Variants in DGKG observed in about 807,000 individuals in gnomAD.
DGKG encodes diacylglycerol kinase gamma, also known as DAG kinase gamma.
Under a neutral mutation model 105.3 loss-of-function variants are expected in DGKG, and 78 were observed. The ratio of observed to expected loss-of-function variants is 0.74; its 90% confidence interval spans 0.62 to 0.89. DGKG has a LOEUF of 0.89. Among genes scored for constraint, DGKG ranks in the 40% least tolerant of loss-of-function variants. The pLI is 0.00. For missense variants in DGKG, 958 were observed against 1,020.1 expected (o/e 0.94, Z 0.83); for synonymous variants, 346 against 367.1 (o/e 0.94, Z 0.66).
intron 20 of DGKG, among the ~76,000 whole-genome samples, chr3:186,238,125 T>A (rs942488673): frequency 6.6e-6 from 1 of 151,722 alleles, no homozygotes; most frequent in Non-Finnish European, 1.5e-5. Context: ...AAACCCCATC[T>A]CTACTAAAAA....
In DGKG at chr3:186,149,410, G is replaced by GTAGAC. The variant is rs547027809; in HGVS notation, c.*675_*679dup. ...CTTGGAGCCGCCTCTAAGCAAACAT[G>GTAGAC]TAGACACCAGGAGAAGGTTCCTGGA... On this transcript the variant is annotated 3_prime_UTR_variant, in exon 25 of 25. Transcript: ENST00000265022. The GTAGAC allele has an allele frequency of 1.2e-4, 122 of 985,450 alleles. 1 individual carries two copies. The African/African-American group carries it at 1.8e-3, about 15-fold the overall frequency. The allele number at this position is 985,450 out of a possible 1,614,324, so 61.0% of individuals were successfully genotyped here.
At chr3:186,258,027 C>A in intron 16 of DGKG, 88 bp from the exon 17 acceptor site, 2 of 977,432 alleles carry the variant, frequency 2.0e-6, no homozygotes, top group South Asian at 2.6e-5. Context: ...GCCCTGTTCC[C>A]CAGGAGTATG....
At chr3:186,318,298 C>T (rs1724911677) in intron 2 of DGKG, among the ~76,000 whole-genome samples, 1 of 152,050 alleles carries the variant, frequency 6.6e-6, no homozygotes, top group Non-Finnish European at 1.5e-5. Context: ...CTCTCCTTAC[C>T]CACCCCTGCA....
chr3:186,313,638 G>T (rs1444701472), intron 2 of DGKG: 1 of 363,752 alleles, frequency 2.7e-6, no homozygotes, highest in Non-Finnish European at 3.8e-6. Flanking sequence ...CAGTACCCCA[G>T]ACCTACTGAT....
chr3:186,345,488 T>A (rs1675740876), intron 1 of DGKG, among the ~76,000 whole-genome samples: 1 of 152,224 alleles, frequency 6.6e-6, no homozygotes, highest in African/African-American at 2.4e-5. Flanking sequence ...GTTTGCTGCA[T>A]AGAGTTTGTT....
At position 186,158,334 on chromosome 3, in the gene DGKG, T is replaced by C. The variant is rs1716132691; in HGVS notation, c.2277+3269A>G. 10 of 943,648 alleles carry C rather than the reference T, an allele frequency of 1.1e-5. No homozygotes were observed. The South Asian group carries it at 3.9e-4, about 37-fold the overall frequency. The allele number at this position is 943,648 out of a possible 1,614,324, so 58.5% of individuals were successfully genotyped here. A position where few individuals can be genotyped will look rare whatever the true frequency, so the allele number is the denominator to read the frequency against. Reference sequence around the variant, plus strand: ...CTTCCAAATATAGTTTAGGCTATATTCTATAATTTTTAAACTGGAGCCTTC... The same window carrying C: ...CTTCCAAATATAGTTTAGGCTATATCCTATAATTTTTAAACTGGAGCCTTC... On this transcript the variant is annotated intron_variant, in intron 24 of 24. Coordinates refer to ENST00000265022, the MANE Select transcript of DGKG (RefSeq NM_001346.3).
At chr3:186,269,750 G>A (rs1722229277) in intron 11 of DGKG, among the ~76,000 whole-genome samples, 1 of 152,204 alleles carries the variant, frequency 6.6e-6, no homozygotes, top group Admixed American at 6.5e-5. Context: ...GTCCATTGGT[G>A]CTTTTCACAC....
At chr3:186,234,712 G>A (rs1720330383) in intron 20 of DGKG, among the ~76,000 whole-genome samples, 1 of 152,206 alleles carries the variant, frequency 6.6e-6, no homozygotes, top group Non-Finnish European at 1.5e-5. Context: ...GGAGGCTTGA[G>A]ACGCCACAGG....
At chr3:186,298,324 G>A (rs1578795837) in intron 3 of DGKG, 95 bp from the exon 4 acceptor site, 1 of 1,210,026 alleles carries the variant, frequency 8.3e-7, no homozygotes, top group East Asian at 2.6e-5. Context: ...GCAGGTGAAA[G>A]GAATGGAAAG....
Position 186,260,464 on chromosome 3 carries a change from G to T in DGKG, c.1399C>A (p.Leu467Met). ...CCTGGAGTAGGCCCCCCATTGTCCA[G>T]GTTGAAAACTTGTTTGGGGTTGAGC... is the stretch of plus-strand genomic sequence containing the variant. ...YLLNPKQVFN[L>M]DNGGPTPGLN... Residue 467 changes from leucine (L) to methionine (M), a missense_variant, in exon 16 of 25, where the codon CTG becomes ATG. Transcript: ENST00000265022. 1 of 1,613,638 alleles carries T rather than the reference G, an allele frequency of 6.2e-7. No homozygotes were observed. The highest frequency in any genetic ancestry group is 2.2e-5 in the East Asian group (1 of 44,880).
chr3:186,205,428 C>G (rs559955247), intron 21 of DGKG, among the ~76,000 whole-genome samples: 2 of 151,284 alleles, frequency 1.3e-5, no homozygotes, highest in Non-Finnish European at 3.0e-5. Flanking sequence ...TAGTTGAAGG[C>G]GCCAGGCGCG....
At chr3:186,248,679 C>T (rs1466530028) in intron 19 of DGKG, among the ~76,000 whole-genome samples, 1 of 152,086 alleles carries the variant, frequency 6.6e-6, no homozygotes, top group Non-Finnish European at 1.5e-5. Context: ...TTTGAGATTC[C>T]CCTCTTTCAA....
intron 1 of DGKG, among the ~76,000 whole-genome samples, chr3:186,321,844 G>A (rs543548802): frequency 2.0e-5 from 3 of 152,316 alleles, no homozygotes; most frequent in African/African-American, 7.2e-5. Context: ...TGCATGGCAA[G>A]GAAATGAGAG....
intron 24 of DGKG, among the ~76,000 whole-genome samples, chr3:186,154,389 T>C (rs1715923011): frequency 6.6e-6 from 1 of 152,092 alleles, no homozygotes; most frequent in Non-Finnish European, 1.5e-5. Context: ...ACACCTGTAA[T>C]CCTGGCACTT....
chr3:186,283,591 T>A (rs931942481), intron 7 of DGKG, among the ~76,000 whole-genome samples: 6 of 152,232 alleles, frequency 3.9e-5, no homozygotes, highest in Non-Finnish European at 8.8e-5. Context: ...GTTTTTACTA[T>A]GCTGCTTAGT....
chr3:186,162,308 A>G (rs1369186184), intron 23 of DGKG, among the ~76,000 whole-genome samples: 1 of 152,252 alleles, frequency 6.6e-6, no homozygotes, highest in Non-Finnish European at 1.5e-5. Context: ...TCTGGGATAC[A>G]GTGGCCAGTG....
chr3:186,330,010 A>C (rs73885846), intron 1 of DGKG, among the ~76,000 whole-genome samples: 2 of 152,214 alleles, frequency 1.3e-5, no homozygotes, highest in Non-Finnish European at 2.9e-5. Flanking sequence ...ATGATTCTCA[A>C]CCTTTTATTG....
At chr3:186,262,181 C>G (rs924166048) in intron 14 of DGKG, among the ~76,000 whole-genome samples, 1 of 152,128 alleles carries the variant, frequency 6.6e-6, no homozygotes, top group Non-Finnish European at 1.5e-5. Context: ...CCGCTTCCAC[C>G]CTGGCGCCTT....
At position 186,267,685 on chromosome 3, in the gene DGKG, C is replaced by T. The variant is rs774041738; in HGVS notation, c.1209G>A (p.Arg403=). 1 of 1,613,620 alleles carries T rather than the reference C, an allele frequency of 6.2e-7. No homozygotes were observed. Among genetic ancestry groups the T allele is most frequent in the Non-Finnish European group, 8.5e-7 (1 of 1,179,720 alleles). The change falls in exon 13 of 25, where the codon CGG becomes CGA. Residue 403 remains arginine, a splice_region_variant and synonymous_variant. Coordinates refer to ENST00000265022, the MANE Select transcript of DGKG (RefSeq NM_001346.3). Reference sequence around the variant, plus strand: ...CCCTCGCCGGGGCAGGAGCACTTACCCGGGTGATGGGGCATATGGAGGTGG... The same window carrying T: ...CCCTCGCCGGGGCAGGAGCACTTACTCGGGTGATGGGGCATATGGAGGTGG... ...LLPTSICPIT[R]DRPGEKSDGC... is the part of the protein sequence containing the mutation.
Sources: allele counts gnomAD v4.1 joint callset (sites outside exome capture counted in the v4.1 genomes callset), GRCh38; gene constraint gnomAD v4.1.1; transcripts MANE v1.5; gene names NCBI Gene and HGNC (gene_info 2026-07-23, HGNC 2026-07-21).